SIPA1L2: variants seen among roughly 807,000 people sequenced by gnomAD.
SIPA1L2 encodes the protein signal induced proliferation associated 1 like 2.
SIPA1L2 carries 56 observed loss-of-function variants against 163.9 expected under a neutral mutation model. The ratio of observed to expected loss-of-function variants is 0.34; its 90% CI spans 0.28 to 0.43. The LOEUF is 0.43. SIPA1L2 is among the 20% of genes least tolerant of loss of function. The pLI, the probability that SIPA1L2 is intolerant of heterozygous loss-of-function variation, is 1.00. For synonymous variants in SIPA1L2, 877 were observed against 865.7 expected (o/e 1.01, Z -0.23); for missense variants, 1,974 against 2,193.5 (o/e 0.90, Z 2.00).
intron 18 of SIPA1L2, among the ~76,000 whole-genome samples, chr1:232,423,282 T>C (rs1015038900): frequency 1.3e-5 from 2 of 152,150 alleles, no homozygotes; most frequent in African/African-American, 2.4e-5. Context: ...CAACTTATGG[T>C]GGGTTTATCT....
chr1:232,629,309 G>A (rs1273827420), intron 1 of SIPA1L2, among the ~76,000 whole-genome samples: 1 of 152,248 alleles, frequency 6.6e-6, no homozygotes, highest in Non-Finnish European at 1.5e-5. Flanking sequence ...AAGACCCGGA[G>A]AGGCCCAGGA....
At chr1:232,490,685 G>A (rs1665880833) in intron 5 of SIPA1L2, 189 bp downstream of exon 5, 1 of 558,482 alleles carries the variant, frequency 1.8e-6, no homozygotes, top group South Asian at 3.1e-5. Flanking sequence ...TCAGCAGGAG[G>A]TGTGTTATAC....
intron 19 of SIPA1L2, among the ~76,000 whole-genome samples, chr1:232,406,602 TG>T (rs1009727851): frequency 6.6e-6 from 1 of 151,918 alleles, no homozygotes; most frequent in African/African-American, 2.4e-5. Context: ...GCTGGATTGG[TG>T]GGGGTGAATG....
chr1:232,570,407 G>A (rs940460123), intron 2 of SIPA1L2, among the ~76,000 whole-genome samples: 8 of 152,156 alleles, frequency 5.3e-5, no homozygotes, highest in African/African-American at 1.9e-4. Context: ...CGGTTCTGAC[G>A]CTATCACAAA....
chr1:232,467,447 C>G (rs1404786461), intron 8 of SIPA1L2, among the ~76,000 whole-genome samples: 1 of 152,128 alleles, frequency 6.6e-6, no homozygotes, highest in East Asian at 1.9e-4. Context: ...GATGGCCATT[C>G]TAGACTGGGA....
chr1:232,558,689 T>C (rs1658864192), intron 2 of SIPA1L2, among the ~76,000 whole-genome samples: 1 of 152,208 alleles, frequency 6.6e-6, no homozygotes, highest in African/African-American at 2.4e-5. Context: ...ATAAAAGTCT[T>C]CTGGAAGAAC....
Position 232,439,502 on chromosome 1 carries a change from G to T in SIPA1L2, c.3643-6C>A. 1 of 1,607,198 alleles carries T rather than the reference G, an allele frequency of 6.2e-7. No individual in the cohort carries two copies. Among genetic ancestry groups the T allele is most frequent in the Non-Finnish European group, 8.5e-7 (1 of 1,175,566 alleles). On this transcript the variant is annotated splice_polypyrimidine_tract_variant and splice_region_variant and intron_variant, in intron 14 of 22. Transcript: ENST00000674635. ...GAGCAACTTTTATCCCCAATCTTCA[G>T]AAGAAAGAGGAACAGAGAGTTCTCA...
chr1:232,528,466 T>C (rs957103851), intron 2 of SIPA1L2, among the ~76,000 whole-genome samples: 11 of 152,286 alleles, frequency 7.2e-5, no homozygotes, highest in Admixed American at 3.9e-4. Context: ...CATTACTGGC[T>C]TCATCTGTTC....
At chr1:232,444,925 A>G (rs962719697) in intron 11 of SIPA1L2, among the ~76,000 whole-genome samples, 16 of 152,254 alleles carry the variant, frequency 1.1e-4, no homozygotes, top group African/African-American at 3.9e-4. Context: ...ATTAACAACA[A>G]TAAGAAATTT....
At position 232,515,298 on chromosome 1, in the gene SIPA1L2, T is replaced by C. The variant is rs1317604314; in HGVS notation, c.42A>G (p.Leu14=). Residue 14 remains leucine, a synonymous_variant, in exon 3 of 23, where the codon CTA becomes CTG. Transcript: ENST00000674635. ...PRQSQEEKHK[L]GRASSKFKDP... ...CCTTGAACTTTGAAGAGGCTCTGCCTAGCTTGTGCTTCTCTTCTTGTGACT... is the reference window on the plus strand; with the variant it reads ...CCTTGAACTTTGAAGAGGCTCTGCCCAGCTTGTGCTTCTCTTCTTGTGACT... 1 of 1,610,228 alleles carries C rather than the reference T, an allele frequency of 6.2e-7. No individual in the cohort carries two copies. Among genetic ancestry groups the C allele is most frequent in the Non-Finnish European group, 8.5e-7 (1 of 1,177,798 alleles).
chr1:232,552,276 T>C (rs1216710733), intron 2 of SIPA1L2, among the ~76,000 whole-genome samples: 3 of 152,204 alleles, frequency 2.0e-5, no homozygotes, highest in Non-Finnish European at 2.9e-5. Flanking sequence ...ATACTGCCTT[T>C]ACCTGGCATT....
intron 3 of SIPA1L2, among the ~76,000 whole-genome samples, chr1:232,512,010 G>A (rs1384634719): frequency 6.6e-6 from 1 of 152,108 alleles, no homozygotes; most frequent in Non-Finnish European, 1.5e-5. Context: ...AATCTACAAG[G>A]AACTGAAACA....
chr1:232,437,389 C>G (rs764628208), intron 15 of SIPA1L2, among the ~76,000 whole-genome samples: 3 of 152,112 alleles, frequency 2.0e-5, no homozygotes, highest in Non-Finnish European at 2.9e-5. Context: ...ACTGATAATC[C>G]TTAATTATTA....
chr1:232,424,459 T>C (rs1001366591), intron 18 of SIPA1L2, among the ~76,000 whole-genome samples: 1 of 146,674 alleles, frequency 6.8e-6, no homozygotes, highest in African/African-American at 2.5e-5. Context: ...GTAAATGAAA[T>C]AACACTTGCA....
At chr1:232,471,761 TG>T (rs1429747742) in intron 7 of SIPA1L2, among the ~76,000 whole-genome samples, 1 of 152,204 alleles carries the variant, frequency 6.6e-6, no homozygotes, top group Non-Finnish European at 1.5e-5. Context: ...AAATTCAATT[TG>T]TACTCTCTCT....
intron 2 of SIPA1L2, among the ~76,000 whole-genome samples, chr1:232,530,437 C>G (rs188071403): frequency 6.6e-6 from 1 of 152,128 alleles, no homozygotes; most frequent in Non-Finnish European, 1.5e-5. Context: ...CTTGCATTTA[C>G]AACCCCTGTC....
intron 18 of SIPA1L2, among the ~76,000 whole-genome samples, chr1:232,417,834 A>G (rs1661347131): frequency 6.6e-6 from 1 of 152,202 alleles, no homozygotes; most frequent in South Asian, 2.1e-4. Flanking sequence ...TGATTTCCAC[A>G]TGGCTGGGCT....
At chr1:232,480,268 T>C (rs1374382910) in intron 6 of SIPA1L2, among the ~76,000 whole-genome samples, 4 of 152,052 alleles carry the variant, frequency 2.6e-5, no homozygotes, top group Non-Finnish European at 5.9e-5. Context: ...ATTGATTGAA[T>C]ATGGAAATGA....
In SIPA1L2 at chr1:232,504,537, CA is replaced by C. The variant is rs377217501; in HGVS notation, c.1483+9319del. On this transcript the variant is annotated intron_variant, in intron 3 of 22. Transcript: ENST00000674635. ...TGGGCAACAGAGCGAGACTCCATCTCAGAAAGACAAAAAAAAAAAAGTAACT... is the reference window on the plus strand; with the variant it reads ...TGGGCAACAGAGCGAGACTCCATCTCGAAAGACAAAAAAAAAAAAGTAACT... Among the ~76,000 whole-genome samples, 384 of 150,568 alleles carry C rather than the reference CA, an allele frequency of 2.6e-3. 3 individuals carry two copies. Among genetic ancestry groups the C allele is most frequent in the African/African-American group, 9.0e-3 (371 of 41,000 alleles).
Sources: gnomAD v4.1 joint callset for allele counts (sites outside exome capture counted in the v4.1 genomes callset) on GRCh38, gnomAD v4.1.1 for gene constraint, MANE v1.5 for transcripts, NCBI Gene and HGNC (gene_info 2026-07-23, HGNC 2026-07-21) for gene names.